The following APBB2 variants were observed in gnomAD, a reference collection of about 807,000 sequenced individuals.
APBB2 encodes amyloid beta precursor protein binding family B member 2.
In APBB2, 38 loss-of-function variants were observed where a neutral mutation model predicts 82.5. The observed-to-expected ratio is 0.46, with a 90% CI of 0.36 to 0.60. The LOEUF (loss-of-function observed/expected upper bound fraction) is 0.60. Among genes scored for constraint, APBB2 ranks in the 20% least tolerant of loss-of-function variants. The probability of loss-of-function intolerance (pLI) is 0.00; values close to 1 mark genes in which losing one functional copy is unlikely to be tolerated. For synonymous variants in APBB2, 341 were observed against 368.2 expected (o/e 0.93, Z 0.85); for missense variants, 772 against 972.3 (o/e 0.79, Z 2.74).
At chr4:40,923,476 A>T (rs936911411) in intron 10 of APBB2, among the ~76,000 whole-genome samples, 7 of 152,146 alleles carry the variant, frequency 4.6e-5, no homozygotes, top group Admixed American at 4.6e-4. Flanking sequence ...GAGCACCCAG[A>T]CCTGCTGAAT....
chr4:40,874,525 T>A (rs764784150), intron 12 of APBB2, among the ~76,000 whole-genome samples: 1 of 151,348 alleles, frequency 6.6e-6, no homozygotes, highest in Non-Finnish European at 1.5e-5. Flanking sequence ...GGGCGGGGGG[T>A]GGAGATAAGT....
chr4:40,980,583 C>T (rs2154402829), intron 6 of APBB2, among the ~76,000 whole-genome samples: 1 of 152,238 alleles, frequency 6.6e-6, no homozygotes, highest in East Asian at 1.9e-4. Context: ...TTCAAGGATG[C>T]ATAATACCAA....
At chr4:40,879,158 A>G (rs1215260791) in intron 12 of APBB2, among the ~76,000 whole-genome samples, 2 of 151,696 alleles carry the variant, frequency 1.3e-5, no homozygotes, top group African/African-American at 4.8e-5. Context: ...ACATAACTCT[A>G]CTGTCTTCTT....
At chr4:41,032,000 C>T (rs770991938) in intron 5 of APBB2, among the ~76,000 whole-genome samples, 1 of 152,094 alleles carries the variant, frequency 6.6e-6, no homozygotes, top group Non-Finnish European at 1.5e-5. Context: ...TGTGTAAACT[C>T]AGGTTTGTCA....
intron 1 of APBB2, chr4:41,177,782 T>C (rs533790002): frequency 7.9e-5 from 12 of 152,324 alleles, no homozygotes; most frequent in African/African-American, 2.9e-4. Flanking sequence ...GTATCCCTTA[T>C]CCAAAATGCT....
chr4:41,036,592 A>ATTT (rs1364090357), intron 4 of APBB2, among the ~76,000 whole-genome samples: 2 of 152,242 alleles, frequency 1.3e-5, no homozygotes, highest in Non-Finnish European at 2.9e-5. Context: ...AGTTACTCAC[A>ATTT]TAAATAAGTT....
At chr4:40,916,978 TG>T (rs1199102765) in intron 10 of APBB2, among the ~76,000 whole-genome samples, 1 of 152,184 alleles carries the variant, frequency 6.6e-6, no homozygotes, top group East Asian at 1.9e-4. Flanking sequence ...ACCACGTCCC[TG>T]GGCTCTGCTG....
chr4:40,978,255 T>C (rs2154401729), intron 6 of APBB2, among the ~76,000 whole-genome samples: 1 of 152,334 alleles, frequency 6.6e-6, no homozygotes, highest in South Asian at 2.1e-4. Context: ...GCTAAGGACA[T>C]TTGGCTCCTA....
intron 3 of APBB2, among the ~76,000 whole-genome samples, chr4:41,085,298 C>T (rs952115156): frequency 6.6e-6 from 1 of 150,622 alleles, no homozygotes; most frequent in Non-Finnish European, 1.5e-5. Flanking sequence ...CACATAATCT[C>T]AGAGAAGGTC....
intron 12 of APBB2, among the ~76,000 whole-genome samples, chr4:40,848,282 G>A (rs1301545587): frequency 6.6e-6 from 1 of 152,316 alleles, no homozygotes; most frequent in East Asian, 1.9e-4. Context: ...TTCTTGCTGC[G>A]CACTGTCGCC....
At chr4:41,126,496 A>G (rs1331764590) in intron 2 of APBB2, among the ~76,000 whole-genome samples, 1 of 152,222 alleles carries the variant, frequency 6.6e-6, no homozygotes, top group Non-Finnish European at 1.5e-5. Flanking sequence ...AGAAACATCC[A>G]TCTTGGGATA....
At chr4:40,985,862 T>TAA (rs1800284075) in intron 6 of APBB2, among the ~76,000 whole-genome samples, 1 of 152,222 alleles carries the variant, frequency 6.6e-6, no homozygotes, top group South Asian at 2.1e-4. Context: ...AAAGCATTTC[T>TAA]AGATATAGGT....
Position 41,117,292 on chromosome 4 carries a change from A to T in APBB2, c.-260-16542T>A, listed in dbSNP as rs867000874. ...AATTATTATTGTTGTTATTATTATT[A>T]TTATTTTTTTTTTTTTTTGAGATGG... is the stretch of plus-strand genomic sequence containing the variant. On this transcript the variant is annotated intron_variant, in intron 2 of 17. Transcript: ENST00000508593. 2.4e-3 allele frequency among the ~76,000 whole-genome samples: 312 copies of T among 129,930 alleles called. 1 individual carries two copies. In the Middle Eastern group the frequency reaches 0.044, roughly 18 times the overall value. The allele number at this position is 129,930 out of a possible 152,430, so 85.2% of individuals were successfully genotyped here. A position where few individuals can be genotyped will look rare whatever the true frequency, so the allele number is the denominator to read the frequency against.
At chr4:41,077,751 G>T (rs919780006) in intron 3 of APBB2, among the ~76,000 whole-genome samples, 1 of 152,158 alleles carries the variant, frequency 6.6e-6, no homozygotes, top group Non-Finnish European at 1.5e-5. Flanking sequence ...CCAAAAGAGG[G>T]TCAAAACCAA....
intron 2 of APBB2, among the ~76,000 whole-genome samples, chr4:41,121,746 G>A (rs1437953618): frequency 6.6e-6 from 1 of 152,156 alleles, no homozygotes; most frequent in East Asian, 1.9e-4. Context: ...CCTGGAAACT[G>A]CTTCCTCCCT....
intron 2 of APBB2, among the ~76,000 whole-genome samples, chr4:41,112,686 C>A (rs573443692): frequency 6.6e-6 from 1 of 152,322 alleles, no homozygotes; most frequent in African/African-American, 2.4e-5. Context: ...GTCTACACAG[C>A]ATTATTAAGA....
chr4:41,200,196 T>C (rs1383410878), intron 1 of APBB2, among the ~76,000 whole-genome samples: 3 of 152,224 alleles, frequency 2.0e-5, no homozygotes, highest in Non-Finnish European at 4.4e-5. Flanking sequence ...AAATGCACTA[T>C]AGAGCAAAGC....
chr4:40,852,839 C>A (rs1007404423), intron 12 of APBB2, among the ~76,000 whole-genome samples: 12 of 152,200 alleles, frequency 7.9e-5, no homozygotes, highest in African/African-American at 2.9e-4. Flanking sequence ...CAAGGTTTTG[C>A]CACGTTGCCC....
chr4:40,984,659 C>G (rs558508964), intron 6 of APBB2, among the ~76,000 whole-genome samples: 2 of 152,260 alleles, frequency 1.3e-5, no homozygotes, highest in East Asian at 3.9e-4. Flanking sequence ...AGTGGAGTAA[C>G]AGCTAACAAG....
Sources: allele counts gnomAD v4.1 joint callset (sites outside exome capture counted in the v4.1 genomes callset), GRCh38; gene constraint gnomAD v4.1.1; transcripts MANE v1.5; gene names NCBI Gene and HGNC (gene_info 2026-07-23, HGNC 2026-07-21).